Variants in SLC26A5 observed in about 807,000 individuals in gnomAD.
The protein encoded by SLC26A5 is solute carrier family 26 member 5.
SLC26A5 carries 51 observed loss-of-function variants against 81.0 expected under a neutral mutation model. The ratio of observed to expected loss-of-function variants is 0.63; its 90% CI spans 0.50 to 0.80. SLC26A5 has a LOEUF of 0.80. SLC26A5 is among the 30% of genes least tolerant of loss of function. The pLI, the probability that SLC26A5 is intolerant of heterozygous loss-of-function variation, is 0.00. For missense variants in SLC26A5, 771 were observed against 905.8 expected (o/e 0.85, Z 1.91); for synonymous variants, 325 against 332.8 (o/e 0.98, Z 0.25).
chr7:103,379,789 G>A (rs1821640277), intron 15 of SLC26A5, among the ~76,000 whole-genome samples: 1 of 152,140 alleles, frequency 6.6e-6, no homozygotes, highest in African/African-American at 2.4e-5. Context: ...ATGGACACAA[G>A]TGAAACTGAG....
chr7:103,377,943 A>G (rs1354337172), intron 17 of SLC26A5, 144 bp from the exon 18 acceptor site: 4 of 783,638 alleles, frequency 5.1e-6, no homozygotes, highest in Middle Eastern at 3.5e-4. Flanking sequence ...GTCATATTCT[A>G]GCCTTGTAAC....
intron 19 of SLC26A5, chr7:103,353,001 G>A: frequency 1.3e-6 from 1 of 778,400 alleles, no homozygotes; most frequent in East Asian, 2.4e-5. Context: ...ATTTGCAAAT[G>A]ACCATGAAAG....
intron 2 of SLC26A5, among the ~76,000 whole-genome samples, chr7:103,439,765 C>T (rs1483616965): frequency 3.9e-5 from 6 of 152,174 alleles, no homozygotes; most frequent in Non-Finnish European, 5.9e-5. Context: ...GACTCCTGGC[C>T]TCAAGCGATC....
chr7:103,378,377 T>A, intron 17 of SLC26A5, 69 bp downstream of exon 17: 3 of 1,445,594 alleles, frequency 2.1e-6, no homozygotes, highest in Admixed American at 1.7e-5. Flanking sequence ...TAAACTTCAG[T>A]CATGAGTAAA....
At chr7:103,376,934 T>C in intron 18 of SLC26A5, 72 bp from the exon 19 acceptor site, 1 of 1,040,258 alleles carries the variant, frequency 9.6e-7, no homozygotes, top group Non-Finnish European at 1.5e-6. Context: ...TTTACCAATG[T>C]TTTTCGTGAT....
intron 19 of SLC26A5, chr7:103,354,768 GATAGCT>G (rs1251145601): frequency 1.4e-6 from 1 of 725,434 alleles, no homozygotes; most frequent in East Asian, 2.7e-5. Flanking sequence ...TTGGGATAAT[GATAGCT>G]ATTGAAATTG....
At position 103,411,529 on chromosome 7, in the gene SLC26A5, T is replaced by C; in HGVS notation, c.461A>G (p.Asp154Gly). The C allele has an allele frequency of 6.2e-7, 1 of 1,614,160 alleles. No homozygotes were observed. ...IGGVAVRLVPDDIVIPGGVNA... is the reference protein window; with the variant it reads ...IGGVAVRLVPGDIVIPGGVNA... ...TACTCCTCCTGGAATGACTATATCA[T>C]CTGGTACTAATCGAACAGCTACACC... Residue 154 changes from aspartate to glycine, a missense_variant, in exon 6 of 20, where the codon GAT (aspartate) becomes GGT (glycine). Transcript: ENST00000306312.
intron 9 of SLC26A5, 49 bp downstream of exon 9, chr7:103,397,883 G>T: frequency 7.5e-7 from 1 of 1,324,652 alleles, no homozygotes; most frequent in Non-Finnish European, 1.1e-6. Context: ...AGAGGCAATA[G>T]ATCCATTGAT....
intron 9 of SLC26A5, among the ~76,000 whole-genome samples, chr7:103,395,522 AATTT>A (rs1563538061): frequency 0.027 from 2,572 of 96,786 alleles, 39 homozygotes; most frequent in Admixed American, 0.036. Flanking sequence ...TATATATATA[AATTT>A]TTTTTTTTTT....
At chr7:103,365,454 A>G (rs1820664950) in intron 19 of SLC26A5, among the ~76,000 whole-genome samples, 1 of 152,024 alleles carries the variant, frequency 6.6e-6, no homozygotes, top group South Asian at 2.1e-4. Context: ...CAACATGGAG[A>G]AACCCCGTCT....
chr7:103,379,431 G>T, intron 15 of SLC26A5, 96 bp from the exon 16 acceptor site: 2 of 728,482 alleles, frequency 2.7e-6, no homozygotes, highest in Non-Finnish European at 2.3e-6. Context: ...GAATGCAGAA[G>T]TTGCTAAGGT....
chr7:103,354,893 T>A (rs1390320032), intron 19 of SLC26A5: 1 of 1,613,464 alleles, frequency 6.2e-7, no homozygotes. Flanking sequence ...TCTAGGCAGA[T>A]CAAGCAAGTT....
At chr7:103,382,515 A>C (rs558815660) in intron 14 of SLC26A5, among the ~76,000 whole-genome samples, 2 of 151,624 alleles carry the variant, frequency 1.3e-5, no homozygotes, top group Admixed American at 6.6e-5. Flanking sequence ...ATGCCCAGCT[A>C]ATTTTTGTAT....
chr7:103,436,834 T>C (rs1393493154), intron 2 of SLC26A5, among the ~76,000 whole-genome samples: 1 of 152,158 alleles, frequency 6.6e-6, no homozygotes, highest in Non-Finnish European at 1.5e-5. Context: ...CCTAAAACTG[T>C]AAATCTACTA....
chr7:103,412,153 A>C (rs1347573246), intron 5 of SLC26A5, among the ~76,000 whole-genome samples: 1 of 152,210 alleles, frequency 6.6e-6, no homozygotes, highest in East Asian at 1.9e-4. Flanking sequence ...TGGAAGATAC[A>C]AACATGATTG....
chr7:103,379,360 T>TAGAAAAAA (rs777997731), intron 15 of SLC26A5, 25 bp from the exon 16 acceptor site: 1 of 1,419,814 alleles, frequency 7.0e-7, no homozygotes, highest in African/African-American at 1.4e-5. Flanking sequence ...ATTGCTGAAT[T>TAGAAAAAA]TAACACATGG....
chr7:103,390,766 A>G (rs576052036), intron 11 of SLC26A5, among the ~76,000 whole-genome samples: 4 of 152,090 alleles, frequency 2.6e-5, no homozygotes, highest in African/African-American at 9.6e-5. Flanking sequence ...TGGAGGAAAG[A>G]TGTCTGGTGC....
chr7:103,410,740 C>T (rs1386974582), intron 6 of SLC26A5, among the ~76,000 whole-genome samples, 191 bp from the exon 7 acceptor site: 3 of 152,030 alleles, frequency 2.0e-5, no homozygotes, highest in Non-Finnish European at 4.4e-5. Flanking sequence ...AAGCGATTCT[C>T]CTGCCTCAGC....
At position 103,364,421 on chromosome 7, in the gene SLC26A5, T is replaced by C. The variant is rs561469945; in HGVS notation, c.2042-11495A>G. 3.3e-6 allele frequency: 4 copies of C among 1,225,030 alleles called. No individual in the cohort carries two copies. The East Asian group carries it at 1.0e-4, about 31-fold the overall frequency. 75.9% of individuals were successfully genotyped at this position (1,225,030 alleles called of 1,614,324 possible). A position where few individuals can be genotyped will look rare whatever the true frequency, so the allele number is the denominator to read the frequency against. On this transcript the variant is annotated intron_variant, in intron 19 of 19. Coordinates refer to the SLC26A5 transcript ENST00000339444. ...TCCAGACCTGAAATTTCTTTTTTCT[T>C]TTGTTGAGACAGAGTCTCATTGTGT...
Sources: gnomAD v4.1 joint callset for allele counts (sites outside exome capture counted in the v4.1 genomes callset) on GRCh38, gnomAD v4.1.1 for gene constraint, MANE v1.5 for transcripts, NCBI Gene and HGNC (gene_info 2026-07-23, HGNC 2026-07-21) for gene names.